CLSTN2: variants seen among roughly 807,000 people sequenced by gnomAD.
The protein encoded by CLSTN2 is calsyntenin-2.
CLSTN2 carries 48 observed loss-of-function variants against 101.2 expected under a neutral mutation model. The observed-to-expected ratio is 0.47, with a 90% CI of 0.38 to 0.60. The LOEUF is 0.60. CLSTN2 is among the 20% of genes least tolerant of loss of function. CLSTN2 has a pLI of 0.00. For synonymous variants in CLSTN2, 481 were observed against 463.6 expected, an observed-to-expected ratio of 1.04 and a Z score of -0.48; for missense variants, 1,160 against 1,238.2, an observed-to-expected ratio of 0.94 and a Z score of 0.95.
intron 1 of CLSTN2, among the ~76,000 whole-genome samples, chr3:140,028,895 C>T (rs779671250): frequency 1.1e-4 from 16 of 152,162 alleles, no homozygotes; most frequent in Non-Finnish European, 1.9e-4. Flanking sequence ...TCTGGTCCCA[C>T]ACCTCCACTG....
intron 1 of CLSTN2, among the ~76,000 whole-genome samples, chr3:140,015,080 C>T (rs1458882442): frequency 6.6e-6 from 1 of 152,174 alleles, no homozygotes; most frequent in African/African-American, 2.4e-5. Flanking sequence ...CCCCTTGCTC[C>T]GTGAGTCCCA....
At chr3:140,526,958 T>C (rs1231062948) in intron 8 of CLSTN2, among the ~76,000 whole-genome samples, 1 of 152,146 alleles carries the variant, frequency 6.6e-6, no homozygotes, top group African/African-American at 2.4e-5. Context: ...AAGATTTAAA[T>C]ATAAAACCCC....
chr3:140,040,753 G>A (rs1265047358), intron 1 of CLSTN2, among the ~76,000 whole-genome samples: 1 of 152,102 alleles, frequency 6.6e-6, no homozygotes. Context: ...TGAACACAGT[G>A]GAAAGAGAAA....
rs560151552 is a variant in CLSTN2 at position 140,064,796 on chromosome 3, T to A, written c.110-111155T>A. Among the ~76,000 whole-genome samples the A allele has an allele frequency of 2.6e-5, 4 of 152,296 alleles. No homozygotes were observed. In the East Asian group the frequency reaches 7.7e-4, roughly 29 times the overall value. Reference sequence around the variant, plus strand: ...AAAGCTTATTCTTTAAAGAAACCAGTAGACATTCTTTTCTTAGATATAATT... The same window carrying A: ...AAAGCTTATTCTTTAAAGAAACCAGAAGACATTCTTTTCTTAGATATAATT... On this transcript the variant is annotated intron_variant, in intron 1 of 16. Coordinates refer to ENST00000458420, the MANE Select transcript of CLSTN2 (RefSeq NM_022131.3).
chr3:140,528,120 T>C (rs1434576231), intron 8 of CLSTN2, among the ~76,000 whole-genome samples: 1 of 152,210 alleles, frequency 6.6e-6, no homozygotes, highest in Non-Finnish European at 1.5e-5. Context: ...AATTTTCTAA[T>C]AGTGCCTAAG....
chr3:140,025,633 G>A (rs1312366812), intron 1 of CLSTN2, among the ~76,000 whole-genome samples: 1 of 152,194 alleles, frequency 6.6e-6, no homozygotes, highest in Non-Finnish European at 1.5e-5. Context: ...AAAGCAGGAA[G>A]AAGAGGAGAG....
intron 2 of CLSTN2, among the ~76,000 whole-genome samples, chr3:140,392,483 C>A (rs1463657014): frequency 6.6e-6 from 1 of 151,838 alleles, no homozygotes; most frequent in Non-Finnish European, 1.5e-5. Flanking sequence ...TTCACATAAC[C>A]AAACATACTT....
intron 2 of CLSTN2, among the ~76,000 whole-genome samples, chr3:140,192,429 T>C (rs1337394491): frequency 2.0e-5 from 3 of 151,982 alleles, no homozygotes; most frequent in Admixed American, 1.3e-4. Flanking sequence ...AATAGACTTA[T>C]TTCTTCTTTT....
intron 1 of CLSTN2, among the ~76,000 whole-genome samples, chr3:140,013,752 G>T (rs888813921): frequency 6.6e-6 from 1 of 152,074 alleles, no homozygotes; most frequent in Non-Finnish European, 1.5e-5. Flanking sequence ...ATAAGATGCT[G>T]TAGAAATGTA....
intron 8 of CLSTN2, among the ~76,000 whole-genome samples, chr3:140,494,445 TTTG>T (rs1405318460): frequency 6.6e-6 from 1 of 152,240 alleles, no homozygotes; most frequent in Non-Finnish European, 1.5e-5. Context: ...TTATTTTTTG[TTTG>T]TTTTCATTTT....
chr3:140,335,759 A>G (rs906497604), intron 2 of CLSTN2, among the ~76,000 whole-genome samples: 2 of 152,326 alleles, frequency 1.3e-5, no homozygotes, highest in East Asian at 1.9e-4. Flanking sequence ...AATTAATTCA[A>G]TCATACACCT....
chr3:140,335,934 C>T (rs1481407685), intron 2 of CLSTN2, among the ~76,000 whole-genome samples: 1 of 152,076 alleles, frequency 6.6e-6, no homozygotes, highest in Non-Finnish European at 1.5e-5. Context: ...TGTTAGGATC[C>T]CTCCCGTCCC....
At chr3:140,396,050 C>A (rs1187263051) in intron 2 of CLSTN2, among the ~76,000 whole-genome samples, 2 of 152,168 alleles carry the variant, frequency 1.3e-5, no homozygotes. Context: ...CAAAAGAACC[C>A]TATAATCATC....
rs138353703 is a variant in CLSTN2 at position 140,220,197 on chromosome 3, T to C, written c.232+44124T>C. Among the ~76,000 whole-genome samples, 600 of 152,326 alleles carry C rather than the reference T, an allele frequency of 3.9e-3. 3 individuals carry two copies. Among genetic ancestry groups the C allele is most frequent in the South Asian group, 7.5e-3 (36 of 4,830 alleles). Reference sequence around the variant, plus strand: ...TAGTGCAAATTGGGCTGTCATAGATTGGAGGACTTCTCAAGGTCTTTAGTC... The same window carrying C: ...TAGTGCAAATTGGGCTGTCATAGATCGGAGGACTTCTCAAGGTCTTTAGTC... On this transcript the variant is annotated intron_variant, in intron 2 of 16. Transcript: ENST00000458420.
chr3:140,175,169 T>C (rs2010304491), intron 1 of CLSTN2, among the ~76,000 whole-genome samples: 1 of 152,212 alleles, frequency 6.6e-6, no homozygotes, highest in African/African-American at 2.4e-5. Flanking sequence ...TCCCAATAAT[T>C]CACATACTGA....
At chr3:140,003,707 T>C (rs536749345) in intron 1 of CLSTN2, among the ~76,000 whole-genome samples, 167 of 152,338 alleles carry the variant, frequency 1.1e-3, no homozygotes, top group Non-Finnish European at 1.8e-3. Context: ...GTTTCCTCTA[T>C]ACCAAGTTTT....
At chr3:140,137,832 A>G (rs1211689844) in intron 1 of CLSTN2, among the ~76,000 whole-genome samples, 1 of 152,208 alleles carries the variant, frequency 6.6e-6, no homozygotes, top group Non-Finnish European at 1.5e-5. Context: ...AAGACATGTC[A>G]GAATGATTGT....
At chr3:140,427,242 T>A (rs59485003) in intron 5 of CLSTN2, among the ~76,000 whole-genome samples, 1 of 127,380 alleles carries the variant, frequency 7.9e-6, no homozygotes, top group South Asian at 2.4e-4. Context: ...TATATATATA[T>A]ATACATATAT....
Position 140,397,057 on chromosome 3 carries a change from A to C in CLSTN2, c.233-6572A>C, listed in dbSNP as rs1198735287. On this transcript the variant is annotated intron_variant, in intron 2 of 16. Transcript: ENST00000458420. ...AAACTTTCAAATGTTCATTCACTTA[A>C]AAAATAACAATAAACTCAATACATA... Among the ~76,000 whole-genome samples the C allele has an allele frequency of 3.3e-5, 5 of 152,194 alleles. No homozygotes were observed. The South Asian group carries it at 8.3e-4, about 25-fold the overall frequency.
Sources: allele counts gnomAD v4.1 joint callset (sites outside exome capture counted in the v4.1 genomes callset), GRCh38; gene constraint gnomAD v4.1.1; transcripts MANE v1.5; gene names NCBI Gene and HGNC (gene_info 2026-07-23, HGNC 2026-07-21).